ANO4: variants seen among roughly 807,000 people sequenced by gnomAD.
ANO4 encodes anoctamin-4.
ANO4 carries 69 observed loss-of-function variants against 141.9 expected under a neutral mutation model. That is an observed-to-expected ratio of 0.49 (90% CI 0.40 to 0.59). The LOEUF (loss-of-function observed/expected upper bound fraction) is 0.59. Ranked by LOEUF, ANO4 falls within the 20% of genes least tolerant of loss-of-function variation. The pLI, the probability that ANO4 is intolerant of heterozygous loss-of-function variation, is 0.00. For missense variants in ANO4, 894 were observed against 1,162.2 expected, an observed-to-expected ratio of 0.77 and a Z score of 3.36; for synonymous variants, 350 against 394.3, an observed-to-expected ratio of 0.89 and a Z score of 1.33.
intron 1 of ANO4, among the ~76,000 whole-genome samples, chr12:100,834,836 A>G (rs190576825): frequency 6.0e-4 from 91 of 152,292 alleles, no homozygotes; most frequent in African/African-American, 2.1e-3. Context: ...TGAGGAAGCT[A>G]GCAATGCAGA....
At chr12:100,935,610 C>G (rs1322882756) in intron 3 of ANO4, among the ~76,000 whole-genome samples, 1 of 152,156 alleles carries the variant, frequency 6.6e-6, no homozygotes, top group Non-Finnish European at 1.5e-5. Context: ...TGAACAGCAT[C>G]TTTGTGATGT....
chr12:100,871,470 T>C (rs997493348), intron 1 of ANO4, among the ~76,000 whole-genome samples: 2 of 152,348 alleles, frequency 1.3e-5, no homozygotes, highest in South Asian at 4.1e-4. Flanking sequence ...TGTGCCCCAA[T>C]GCACTTTATA....
At chr12:101,016,980 G>C (rs1255353176) in intron 8 of ANO4, among the ~76,000 whole-genome samples, 1 of 152,318 alleles carries the variant, frequency 6.6e-6, no homozygotes, top group South Asian at 2.1e-4. Context: ...GCAGAGTATT[G>C]AGATAAATCA....
At position 101,116,710 on chromosome 12, in the gene ANO4, T is replaced by C; in HGVS notation, c.2482T>C (p.Ser828Pro). Residue 828 changes from serine (S) to proline (P), a missense_variant, in exon 25 of 28, where the codon TCT becomes CCT. Physicochemically the swap from Ser to Pro is moderately conservative, Grantham distance 74. Around this residue, in one of 2 missense-constraint regions of ANO4, gnomAD observed 637 missense variants for 909.2 expected, o/e 0.70. Transcript: ENST00000392977. ...GGTTGGCTATGTGAATGCCAGCTTG[T>C]CTGTATTTCGAATTTCTGACTTTGA... ...CMVGYVNASL[S>P]VFRISDFENR... The C allele has an allele frequency of 2.5e-6, 4 of 1,614,132 alleles. No homozygotes were observed. The highest frequency in any genetic ancestry group is 3.4e-6 in the Non-Finnish European group (4 of 1,180,022).
intron 14 of ANO4, among the ~76,000 whole-genome samples, chr12:101,075,885 C>T (rs1347386838): frequency 6.6e-6 from 1 of 151,906 alleles, no homozygotes; most frequent in African/African-American, 2.4e-5. Flanking sequence ...GAGTTTAAAC[C>T]ATGGCATAAT....
upstream of ANO4, chr12:100,717,390 G>C (rs2030644295): frequency 2.9e-6 from 1 of 349,720 alleles, no homozygotes; most frequent in Non-Finnish European, 5.1e-6. Context: ...CTGACTGGGC[G>C]TGCTCAGCCG....
chr12:100,763,760 T>C (rs2032970494), intron 3 of ANO4, among the ~76,000 whole-genome samples: 1 of 152,232 alleles, frequency 6.6e-6, no homozygotes, highest in Non-Finnish European at 1.5e-5. Flanking sequence ...ATAACCCCAT[T>C]TCTCCCATTC....
At chr12:100,838,225 G>A (rs1041236226) in intron 1 of ANO4, among the ~76,000 whole-genome samples, 108 of 75,528 alleles carry the variant, frequency 1.4e-3, no homozygotes, top group African/African-American at 6.0e-3. Flanking sequence ...GTGAGACTCC[G>A]TCTCAAAAAA....
At chr12:100,963,490 CTGTG>C (rs376975145) in intron 5 of ANO4, among the ~76,000 whole-genome samples, 1 of 151,006 alleles carries the variant, frequency 6.6e-6, no homozygotes, top group Non-Finnish European at 1.5e-5. Flanking sequence ...GTGTGTGTGT[CTGTG>C]TGTGTGTGTG....
intron 4 of ANO4, among the ~76,000 whole-genome samples, chr12:100,939,874 A>G (rs1419895676): frequency 1.3e-5 from 2 of 152,152 alleles, no homozygotes. Context: ...TGTAATCTGG[A>G]AACTTCATTG....
intron 3 of ANO4, 70 bp from the exon 4 acceptor site, chr12:100,939,245 T>C (rs1471454365): frequency 6.8e-7 from 1 of 1,469,052 alleles, no homozygotes; most frequent in East Asian, 2.3e-5. Context: ...GGGAGATGTT[T>C]TCTCTTTTAG....
At chr12:101,040,125 G>A (rs778688636) in intron 11 of ANO4, 49 bp downstream of exon 11, 4 of 1,534,342 alleles carry the variant, frequency 2.6e-6, no homozygotes, top group East Asian at 2.3e-5. Context: ...GAATGATTAG[G>A]GCAGACTGTC....
chr12:100,733,887 A>T lies in ANO4; in HGVS notation c.106+30A>T, dbSNP rs193263021. On this transcript the variant is annotated intron_variant, in intron 2 of 29. Coordinates refer to the ANO4 transcript ENST00000644049. Reference sequence around the variant, plus strand: ...GCACTAGTGTCATTTTGATTTTTTTAAAAAAATATTATTGCCTGGAAAAGC... The same window carrying T: ...GCACTAGTGTCATTTTGATTTTTTTTAAAAAATATTATTGCCTGGAAAAGC... 3,934 of 676,496 alleles carry T rather than the reference A, an allele frequency of 5.8e-3. 21 individuals carry two copies. Among genetic ancestry groups the T allele is most frequent in the Non-Finnish European group, 7.7e-3 (2,854 of 372,792 alleles). 41.9% of individuals were successfully genotyped at this position (676,496 alleles called of 1,614,324 possible). A position where few individuals can be genotyped will look rare whatever the true frequency, so the allele number is the denominator to read the frequency against.
intron 3 of ANO4, among the ~76,000 whole-genome samples, chr12:100,757,237 T>G (rs186333130): frequency 6.6e-6 from 1 of 152,212 alleles, no homozygotes; most frequent in African/African-American, 2.4e-5. Flanking sequence ...CCAATCTCCC[T>G]GCCTTGGTTC....
At chr12:100,750,670 G>T (rs2032333362) in intron 3 of ANO4, among the ~76,000 whole-genome samples, 1 of 152,058 alleles carries the variant, frequency 6.6e-6, no homozygotes, top group South Asian at 2.1e-4. Flanking sequence ...ACTCTATAAA[G>T]AAAATTTTCT....
intron 1 of ANO4, among the ~76,000 whole-genome samples, chr12:100,837,562 G>A (rs1012255212): frequency 1.3e-5 from 2 of 151,994 alleles, no homozygotes; most frequent in African/African-American, 4.8e-5. Context: ...GATTGCTTGA[G>A]CCCAGGAATT....
At chr12:100,937,084 A>G (rs775974039) in intron 3 of ANO4, among the ~76,000 whole-genome samples, 4 of 152,218 alleles carry the variant, frequency 2.6e-5, no homozygotes, top group Non-Finnish European at 5.9e-5. Flanking sequence ...CTTGTGAATA[A>G]GAATCATGTT....
rs150847067 is a variant in ANO4, at chr12:101,014,305, G to A, written c.735-5729G>A. Among the ~76,000 whole-genome samples the A allele has an allele frequency of 2.3e-3, 350 of 152,182 alleles. 3 individuals are homozygous for A. Among genetic ancestry groups the A allele is most frequent in the African/African-American group, 7.0e-3 (290 of 41,504 alleles). On this transcript the variant is annotated intron_variant, in intron 8 of 27. Transcript: ENST00000392977. ...TGTAACTAAAACCCGATTGCGCAGCGTATTTATTTCTCATTTCTCCCTTCC... is the reference window on the plus strand; with the variant it reads ...TGTAACTAAAACCCGATTGCGCAGCATATTTATTTCTCATTTCTCCCTTCC...
At chr12:101,052,170 G>C (rs952204650) in intron 14 of ANO4, among the ~76,000 whole-genome samples, 1 of 152,122 alleles carries the variant, frequency 6.6e-6, no homozygotes, top group African/African-American at 2.4e-5. Context: ...GCAACTGGGA[G>C]GGCCTTGGCA....
Sources: allele counts gnomAD v4.1 joint callset (sites outside exome capture counted in the v4.1 genomes callset), GRCh38; gene constraint gnomAD v4.1.1; regional missense constraint gnomAD v4.1.1; transcripts MANE v1.5; gene names NCBI Gene and HGNC (gene_info 2026-07-23, HGNC 2026-07-21).